The following DYM variants were observed in gnomAD, a reference collection of about 807,000 sequenced individuals.
The protein encoded by DYM is dyggve-Melchior-Clausen syndrome protein.
A neutral mutation model predicts 93.1 loss-of-function variants in DYM; 78 were observed. The observed-to-expected ratio is 0.84, with a 90% confidence interval of 0.70 to 1.01. DYM has a LOEUF of 1.01. Ranked by LOEUF, DYM falls within the 50% of genes least tolerant of loss-of-function variation. DYM has a pLI of 0.00. For synonymous variants in DYM, 321 were observed against 319.7 expected, an observed-to-expected ratio of 1.00 and a Z score of -0.04; for missense variants, 789 against 845.0, an observed-to-expected ratio of 0.93 and a Z score of 0.82.
chr18:49,102,479 A>C (rs1475732951), intron 16 of DYM, among the ~76,000 whole-genome samples: 3 of 152,076 alleles, frequency 2.0e-5, no homozygotes, highest in African/African-American at 7.2e-5. Context: ...GGTTAGTTAC[A>C]TATGTATACA....
chr18:49,432,119 T>C (rs541794394), intron 1 of DYM, among the ~76,000 whole-genome samples: 5 of 152,196 alleles, frequency 3.3e-5, no homozygotes, highest in African/African-American at 1.2e-4. Context: ...ACGCCTGTAA[T>C]CCCAGCACTT....
chr18:49,047,590 G>A (rs1393782388), intron 17 of DYM, among the ~76,000 whole-genome samples: 1 of 152,092 alleles, frequency 6.6e-6, no homozygotes, highest in African/African-American at 2.4e-5. Context: ...GTCCACTCCT[G>A]AAGTCCCCTT....
chr18:49,322,942 C>T (rs1333593555), intron 8 of DYM, among the ~76,000 whole-genome samples: 2 of 152,084 alleles, frequency 1.3e-5, no homozygotes, highest in African/African-American at 4.8e-5. Context: ...CCCAAGAACA[C>T]TCAGTTAATA....
chr18:49,054,896 T>C (rs995724070), intron 17 of DYM, among the ~76,000 whole-genome samples: 13 of 152,222 alleles, frequency 8.5e-5, no homozygotes, highest in African/African-American at 2.7e-4. Context: ...TGGAGCCCCA[T>C]GCTCGGGACA....
intron 5 of DYM, among the ~76,000 whole-genome samples, chr18:49,375,235 T>G (rs944552705): frequency 7.5e-6 from 1 of 133,338 alleles, no homozygotes; most frequent in African/African-American, 3.2e-5. Flanking sequence ...CACACATCTA[T>G]ACCTACCTTG....
At chr18:49,220,886 A>C (rs1444270215) in intron 13 of DYM, among the ~76,000 whole-genome samples, 1 of 152,234 alleles carries the variant, frequency 6.6e-6, no homozygotes, top group African/African-American at 2.4e-5. Flanking sequence ...AATGGCAACA[A>C]AAGCCAAAGT....
intron 1 of DYM, among the ~76,000 whole-genome samples, chr18:49,441,076 AT>A (rs1447876445): frequency 1.3e-4 from 1 of 7,984 alleles, no homozygotes; most frequent in Non-Finnish European, 2.6e-4. Flanking sequence ...ATATATAAAT[AT>A]TATATTATAT....
chr18:49,317,646 C>CTCCTTCCTTCCT (rs71297073), intron 8 of DYM, among the ~76,000 whole-genome samples: 32 of 36,596 alleles, frequency 8.7e-4, no homozygotes, highest in African/African-American at 2.4e-3. Flanking sequence ...ATCCTCTCCT[C>CTCCTTCCTTCCT]TCCTTCCTTC....
chr18:49,245,108 C>G (rs992104631), intron 13 of DYM, among the ~76,000 whole-genome samples: 1 of 152,118 alleles, frequency 6.6e-6, no homozygotes, highest in African/African-American at 2.4e-5. Flanking sequence ...TTATCACTTC[C>G]CCAATCAATA....
chr18:49,161,558 T>C (rs770753802), intron 15 of DYM, among the ~76,000 whole-genome samples: 4 of 152,204 alleles, frequency 2.6e-5, no homozygotes, highest in Non-Finnish European at 5.9e-5. Context: ...CTGGCCCCGA[T>C]AGGGTTTCTA....
chr18:49,289,031 A>G (rs1453175822), intron 8 of DYM, among the ~76,000 whole-genome samples: 1 of 152,200 alleles, frequency 6.6e-6, no homozygotes, highest in Non-Finnish European at 1.5e-5. Context: ...GTGATTTGGC[A>G]GCAGAGGAGA....
chr18:49,437,056 T>C (rs545929620), intron 1 of DYM, among the ~76,000 whole-genome samples: 1 of 152,240 alleles, frequency 6.6e-6, no homozygotes, highest in African/African-American at 2.4e-5. Flanking sequence ...ACAAAATTTG[T>C]CAGATGTTTC....
intron 8 of DYM, among the ~76,000 whole-genome samples, chr18:49,306,281 G>C (rs1204590554): frequency 2.0e-5 from 3 of 152,108 alleles, no homozygotes; most frequent in African/African-American, 7.2e-5. Context: ...GAAGTAGAGA[G>C]TTAATTATTT....
At position 49,169,427 on chromosome 18, in the gene DYM, C is replaced by G. The variant is rs2088362036; in HGVS notation, c.1626-5640G>C. Among the ~76,000 whole-genome samples, 3 of 152,190 alleles carry G rather than the reference C, an allele frequency of 2.0e-5. No individual in the cohort carries two copies. In the East Asian group the frequency reaches 5.8e-4, roughly 29 times the overall value. ...GCACGTGCATCAAGTGTTGAGTACA[C>G]AGCAGAGCACAGCAATGAGGCTGGG... On this transcript the variant is annotated intron_variant, in intron 14 of 17. Transcript: ENST00000675505.
chr18:49,183,894 ATCTC>A lies in DYM; in HGVS notation c.1626-20111_1626-20108del, dbSNP rs529449094. Among the ~76,000 whole-genome samples, 112 of 152,120 alleles carry A rather than the reference ATCTC, an allele frequency of 7.4e-4. No homozygotes were observed. The South Asian group carries it at 0.016, about 22-fold the overall frequency. On this transcript the variant is annotated intron_variant, in intron 14 of 17. Coordinates refer to ENST00000675505, the MANE Select transcript of DYM (RefSeq NM_001353214.3). Reference sequence around the variant, plus strand: ...GTCTCCATACAAAGAGACACCACAGATCTCTCTCTCTGTGCACGTACTAAGAAGA... The same window carrying A: ...GTCTCCATACAAAGAGACACCACAGATCTCTCTGTGCACGTACTAAGAAGA...
chr18:49,224,100 GGGT>G (rs1489640963), intron 13 of DYM, among the ~76,000 whole-genome samples: 1 of 151,986 alleles, frequency 6.6e-6, no homozygotes, highest in Non-Finnish European at 1.5e-5. Flanking sequence ...TGGATTTGAG[GGGT>G]GGTTGCTGAC....
At chr18:49,194,495 A>T (rs1264383769) in intron 14 of DYM, among the ~76,000 whole-genome samples, 2 of 152,176 alleles carry the variant, frequency 1.3e-5, no homozygotes, top group African/African-American at 4.8e-5. Context: ...CTATTCTTAC[A>T]TTGTTTCCAT....
intron 13 of DYM, among the ~76,000 whole-genome samples, chr18:49,243,501 C>T (rs1278006851): frequency 1.3e-5 from 2 of 151,814 alleles, no homozygotes; most frequent in East Asian, 3.9e-4. Context: ...CCTGTCTCTA[C>T]TAAAAATGCA....
At chr18:49,343,354 C>G (rs540837547) in intron 6 of DYM, among the ~76,000 whole-genome samples, 1 of 152,298 alleles carries the variant, frequency 6.6e-6, no homozygotes, top group East Asian at 1.9e-4. Flanking sequence ...AAGCATGTGA[C>G]CGCCTCAAGG....
Sources: gnomAD v4.1 joint callset for allele counts (sites outside exome capture counted in the v4.1 genomes callset) on GRCh38, gnomAD v4.1.1 for gene constraint, MANE v1.5 for transcripts, NCBI Gene and HGNC (gene_info 2026-07-23, HGNC 2026-07-21) for gene names.